Variants in MYD88 observed in about 807,000 individuals in gnomAD.
MYD88 encodes myeloid differentiation primary response protein MyD88.
In MYD88, 15 loss-of-function variants were observed where a neutral mutation model predicts 31.1. That is an observed-to-expected ratio of 0.48 (90% CI 0.32 to 0.74). The LOEUF (loss-of-function observed/expected upper bound fraction) is 0.74. Ranked by LOEUF, MYD88 falls within the 30% of genes least tolerant of loss-of-function variation. MYD88 has a pLI of 0.03. For missense variants in MYD88, 308 were observed against 387.4 expected (o/e 0.79, Z 1.72); for synonymous variants, 157 against 158.8 (o/e 0.99, Z 0.08).
At position 38,141,416 on chromosome 3, in the gene MYD88, C is replaced by T; in HGVS notation, c.*130C>T. ...TCTCAATTCCTGGAGATGCCAACTT[C>T]ACAGACACGTCTGCAGCAGCTGGAC... On this transcript the variant is annotated 3_prime_UTR_variant, in exon 5 of 5. Transcript: ENST00000650905. The T allele has an allele frequency of 8.1e-7, 1 of 1,233,752 alleles. No individual in the cohort carries two copies. Among genetic ancestry groups the T allele is most frequent in the Non-Finnish European group, 1.2e-6 (1 of 842,300 alleles). The allele number at this position is 1,233,752 out of a possible 1,614,324, so 76.4% of individuals were successfully genotyped here.
At position 38,140,578 on chromosome 3, in the gene MYD88, A is replaced by C; in HGVS notation, c.644+10A>C. The stretch of plus-strand genomic sequence containing the variant: ...AGCTCATCGAAAAGAGGTTGGCTAG[A>C]AGGCCACGGGGTGGGTGCGTGGATG... On this transcript the variant is annotated intron_variant, in intron 3 of 4. Coordinates refer to ENST00000650905, the MANE Select transcript of MYD88 (RefSeq NM_002468.5). 1 of 1,614,172 alleles carries C rather than the reference A, an allele frequency of 6.2e-7. No individual in the cohort carries two copies. The highest frequency in any genetic ancestry group is 8.5e-7 in the Non-Finnish European group (1 of 1,179,982).
Position 38,138,892 on chromosome 3 carries a change from G to A in MYD88, c.192G>A (p.Leu64=), listed in dbSNP as rs755666466. The A allele has an allele frequency of 6.2e-7, 1 of 1,613,620 alleles. No homozygotes were observed. Among genetic ancestry groups the A allele is most frequent in the Non-Finnish European group, 8.5e-7 (1 of 1,180,022 alleles). Residue 64 remains leucine, a synonymous_variant, in exon 1 of 5, where the codon CTG becomes CTA. Transcript: ENST00000650905. This position sits in a 1 kb window ranked among gnomAD's most constrained non-coding sequence, Gnocchi z 6.4. ...MDFEYLEIRQ[L]ETQADPTGRL... is the part of the protein sequence containing the mutation. ...TTGAGTACTTGGAGATCCGGCAACT[G>A]GAGACACAAGCGGACCCCACTGGCA...
In MYD88 at chr3:38,140,757, G is replaced by A. The variant is rs1701059729; in HGVS notation, c.645G>A (p.Arg215=). Residue 215 remains arginine (R), a splice_region_variant and synonymous_variant, in exon 4 of 5, where the codon AGG becomes AGA. Transcript: ENST00000650905. ...CTGCAGCCTGCCCACTCTCCCCTAG[G>A]TGCCGCCGGATGGTGGTGGTTGTCT... ...WSIASELIEK[R]CRRMVVVVSD... is the part of the protein sequence containing the mutation. 6.2e-7 allele frequency: 1 copy of A among 1,614,168 alleles called. No homozygotes were observed.
chr3:38,138,717 C>T lies in MYD88; in HGVS notation c.17C>T (p.Pro6Leu), dbSNP rs1700986467. MAAGG[P>L]GAGSAAPVSS... is the part of the protein sequence containing the mutation. The stretch of plus-strand genomic sequence containing the variant: ...CCGCCCGCCATGGCTGCAGGAGGTC[C>T]CGGCGCGGGGTCTGCGGCCCCGGTC... The change falls in exon 1 of 5, where the codon CCC becomes CTC. Residue 6 changes from proline (P) to leucine (L), a missense_variant. By Grantham distance (98) the Pro-to-Leu change is moderately conservative. Coordinates refer to ENST00000650905, the MANE Select transcript of MYD88 (RefSeq NM_002468.5). The surrounding 1 kb of genome is among the most constrained non-coding windows in gnomAD (Gnocchi z 6.4). The T allele has an allele frequency of 6.2e-7, 1 of 1,604,626 alleles. No individual in the cohort carries two copies. The highest frequency in any genetic ancestry group is 1.7e-5 in the Admixed American group (1 of 59,820).
Position 38,139,411 on chromosome 3 carries a change from T to C in MYD88, c.328+383T>C, listed in dbSNP as rs1701020139. The C allele has an allele frequency of 2.5e-6, 1 of 398,910 alleles. No homozygotes were observed. Among genetic ancestry groups the C allele is most frequent in the Admixed American group, 4.1e-5 (1 of 24,500 alleles). 24.7% of individuals were successfully genotyped at this position (398,910 alleles called of 1,614,324 possible). On this transcript the variant is annotated intron_variant, in intron 1 of 4. Coordinates refer to ENST00000650905, the MANE Select transcript of MYD88 (RefSeq NM_002468.5). The surrounding 1 kb of genome is among the most constrained non-coding windows in gnomAD (Gnocchi z 4.7). Reference sequence around the variant, plus strand: ...GGGGAAATGCAGCCCTTCTTTCTACTCACTGGCACTTACATAATATACATG... The same window carrying C: ...GGGGAAATGCAGCCCTTCTTTCTACCCACTGGCACTTACATAATATACATG...
rs1322873412 is a variant in MYD88 at position 38,141,198 on chromosome 3, T to C, written c.803T>C (p.Leu268Pro). ...ATGAAGAAAGAGTTCCCCAGCATCC[T>C]GAGGTTCATCACTGTCTGCGACTAC... ...KAMKKEFPSI[L>P]RFITVCDYTN... The change falls in exon 5 of 5, where the codon CTG becomes CCG. Residue 268 changes from leucine to proline, a missense_variant. Leu to Pro is a moderately conservative substitution (Grantham distance 98, BLOSUM62 -3). Coordinates refer to ENST00000650905, the MANE Select transcript of MYD88 (RefSeq NM_002468.5). The C allele has an allele frequency of 2.5e-6, 4 of 1,614,066 alleles. No homozygotes were observed. The highest frequency in any genetic ancestry group is 3.4e-6 in the Non-Finnish European group (4 of 1,180,032).
chr3:38,140,015 G>C lies in MYD88; in HGVS notation c.463+17G>C, dbSNP rs748281019. The stretch of plus-strand genomic sequence containing the variant: ...ACCCCCTGGGTAAGGGTCCAATACT[G>C]TTCCCATGGGACAGGTGGAATAGGA... On this transcript the variant is annotated intron_variant, in intron 2 of 4. Coordinates refer to ENST00000650905, the MANE Select transcript of MYD88 (RefSeq NM_002468.5). 6.2e-7 allele frequency: 1 copy of C among 1,612,662 alleles called. No individual in the cohort carries two copies. The highest frequency in any genetic ancestry group is 8.5e-7 in the Non-Finnish European group (1 of 1,179,534).
At chr3:38,140,660 T>TG in intron 3 of MYD88, 92 bp downstream of exon 3, 1 of 1,595,898 alleles carries the variant, frequency 6.3e-7, no homozygotes, top group Non-Finnish European at 8.6e-7. Context: ...CTGTGCACTG[T>TG]CCAGCCTGGG....
Position 38,139,065 on chromosome 3 carries a change from G to A in MYD88, c.328+37G>A, listed in dbSNP as rs538345408. On this transcript the variant is annotated intron_variant, in intron 1 of 4. Coordinates refer to ENST00000650905, the MANE Select transcript of MYD88 (RefSeq NM_002468.5). This position sits in a 1 kb window ranked among gnomAD's most constrained non-coding sequence, Gnocchi z 4.7. ...CCCTTCCTGGCCTCGTACCTGGGGG[G>A]TGAGGAGGCTGACTTTCCGCGGCCT... 3 of 1,587,814 alleles carry A rather than the reference G, an allele frequency of 1.9e-6. No individual in the cohort carries two copies. Among genetic ancestry groups the A allele is most frequent in the Non-Finnish European group, 1.7e-6 (2 of 1,172,040 alleles).
intron 2 of MYD88, 186 bp downstream of exon 2, chr3:38,140,184 G>A (rs1348655195): frequency 5.2e-6 from 5 of 959,126 alleles, no homozygotes; most frequent in Middle Eastern, 6.0e-4. Flanking sequence ...AGATGCTCAT[G>A]AAATAATGTC....
chr3:38,141,315 G>GTA lies in MYD88; in HGVS notation c.*31_*32dup. 6.2e-7 allele frequency: 1 copy of GTA among 1,613,930 alleles called. No individual in the cohort carries two copies. Among genetic ancestry groups the GTA allele is most frequent in the South Asian group, 1.1e-5 (1 of 91,082 alleles). ...CTGTTCTGAGGCCCTGGGTGTGTGTGTATCTGTCTGCCTGTCCATGTACTT... is the reference window on the plus strand; with the variant it reads ...CTGTTCTGAGGCCCTGGGTGTGTGTGTATATCTGTCTGCCTGTCCATGTACTT... On this transcript the variant is annotated 3_prime_UTR_variant, in exon 5 of 5. Coordinates refer to ENST00000650905, the MANE Select transcript of MYD88 (RefSeq NM_002468.5).
In MYD88 at chr3:38,139,589, T is replaced by C; in HGVS notation, c.329-275T>C. On this transcript the variant is annotated intron_variant, in intron 1 of 4. Transcript: ENST00000650905. This position sits in a 1 kb window ranked among gnomAD's most constrained non-coding sequence, Gnocchi z 4.7. Reference sequence around the variant, plus strand: ...CCCAGAAGAAGCAGACCTACCTTGGTACCATTCTTAGGATCCCTAGGAAGG... The same window carrying C: ...CCCAGAAGAAGCAGACCTACCTTGGCACCATTCTTAGGATCCCTAGGAAGG... 2 of 506,684 alleles carry C rather than the reference T, an allele frequency of 3.9e-6. No homozygotes were observed. Among genetic ancestry groups the C allele is most frequent in the Non-Finnish European group, 7.2e-6 (2 of 278,278 alleles). The allele number at this position is 506,684 out of a possible 1,614,324, so 31.4% of individuals were successfully genotyped here.
chr3:38,139,774 A>C lies in MYD88; in HGVS notation c.329-90A>C. On this transcript the variant is annotated intron_variant, in intron 1 of 4. Transcript: ENST00000650905. This position sits in a 1 kb window ranked among gnomAD's most constrained non-coding sequence, Gnocchi z 4.7. ...GGAAGCCCTCTAGAACAACCCAGCC[A>C]GAGGAGGTGGGACAGCGGCTGGATC... 1.9e-6 allele frequency: 3 copies of C among 1,547,418 alleles called. No homozygotes were observed. Among genetic ancestry groups the C allele is most frequent in the Non-Finnish European group, 8.8e-7 (1 of 1,133,804 alleles).
rs2125777808 is a variant in MYD88, at chr3:38,139,996, T to A, written c.461T>A (p.Leu154Gln). The change falls in exon 2 of 5, where the codon CTG (leucine) becomes CAG (glutamine). Residue 154 changes from leucine to glutamine, a missense_variant and splice_region_variant. By Grantham distance (113) the Leu-to-Gln change is moderately radical. Coordinates refer to ENST00000650905, the MANE Select transcript of MYD88 (RefSeq NM_002468.5). The surrounding 1 kb of genome is among the most constrained non-coding windows in gnomAD (Gnocchi z 4.7). The stretch of plus-strand genomic sequence containing the variant: ...GGCATCACCACACTTGATGACCCCC[T>A]GGGTAAGGGTCCAATACTGTTCCCA... ...LAGITTLDDPLGHMPERFDAF... is the reference protein window; with the variant it reads ...LAGITTLDDPQGHMPERFDAF... The A allele has an allele frequency of 6.2e-7, 1 of 1,613,392 alleles. No individual in the cohort carries two copies.
In MYD88 at chr3:38,141,304, TG is replaced by T; in HGVS notation, c.*21del. On this transcript the variant is annotated 3_prime_UTR_variant, in exon 5 of 5. Transcript: ENST00000650905. ...TGCCCTGAAGACTGTTCTGAGGCCC[TG>T]GGTGTGTGTGTATCTGTCTGCCTGT... is the stretch of plus-strand genomic sequence containing the variant. The T allele has an allele frequency of 6.2e-7, 1 of 1,614,154 alleles. No homozygotes were observed. The highest frequency in any genetic ancestry group is 2.2e-5 in the East Asian group (1 of 44,880).
Position 38,142,040 on chromosome 3 carries a change from G to A in MYD88, c.*754G>A, listed in dbSNP as rs1701093448. Reference sequence around the variant, plus strand: ...TTCATTTCCACCTGTCAGGATGCCTGTGGTCATGCTCTCAGCTCCACCTGG... The same window carrying A: ...TTCATTTCCACCTGTCAGGATGCCTATGGTCATGCTCTCAGCTCCACCTGG... On this transcript the variant is annotated 3_prime_UTR_variant, in exon 5 of 5. Coordinates refer to ENST00000650905, the MANE Select transcript of MYD88 (RefSeq NM_002468.5). 2 of 235,824 alleles carry A rather than the reference G, an allele frequency of 8.5e-6. No individual in the cohort carries two copies. The highest frequency in any genetic ancestry group is 1.7e-5 in the Non-Finnish European group (2 of 119,846). The allele number at this position is 235,824 out of a possible 1,614,324, so 14.6% of individuals were successfully genotyped here.
rs2125777158 is a variant in MYD88, at chr3:38,139,836, G to T, written c.329-28G>T. On this transcript the variant is annotated intron_variant, in intron 1 of 4. Transcript: ENST00000650905. This position sits in a 1 kb window ranked among gnomAD's most constrained non-coding sequence, Gnocchi z 4.7. ...TAAAGAGGTAGGCACTCCCAGGGAGGCTGCTTTACTCTGTCTCTTCCCCAC... is the reference window on the plus strand; with the variant it reads ...TAAAGAGGTAGGCACTCCCAGGGAGTCTGCTTTACTCTGTCTCTTCCCCAC... 1 of 1,611,540 alleles carries T rather than the reference G, an allele frequency of 6.2e-7. No homozygotes were observed. The highest frequency in any genetic ancestry group is 8.5e-7 in the Non-Finnish European group (1 of 1,179,928).
In MYD88 at chr3:38,141,532, G is replaced by A. The variant is rs1701082822; in HGVS notation, c.*246G>A. 3.4e-6 allele frequency: 2 copies of A among 588,928 alleles called. No homozygotes were observed. The highest frequency in any genetic ancestry group is 5.9e-5 in the East Asian group (2 of 33,616). 36.5% of individuals were successfully genotyped at this position (588,928 alleles called of 1,614,324 possible). A position where few individuals can be genotyped will look rare whatever the true frequency, so the allele number is the denominator to read the frequency against. On this transcript the variant is annotated 3_prime_UTR_variant, in exon 5 of 5. Transcript: ENST00000650905. ...GCCAGGACACTATAGAACAGGACCA[G>A]CTGAGACTAAGAAGGACCAGCAGAG... is the stretch of plus-strand genomic sequence containing the variant.
rs200093616 is a variant in MYD88 at position 38,138,862 on chromosome 3, G to A, written c.162G>A (p.Met54Ile). The A allele has an allele frequency of 1.9e-6, 3 of 1,613,824 alleles. No homozygotes were observed. The highest frequency in any genetic ancestry group is 2.2e-5 in the East Asian group (1 of 44,888). The change falls in exon 1 of 5, where the codon ATG (methionine) becomes ATA (isoleucine). Residue 54 changes from methionine to isoleucine, a missense_variant. Transcript: ENST00000650905. This position sits in a 1 kb window ranked among gnomAD's most constrained non-coding sequence, Gnocchi z 6.4. ...ACTGGACCGCGCTGGCGGAGGAGAT[G>A]GACTTTGAGTACTTGGAGATCCGGC... Reference protein sequence around the residue: ...AADWTALAEEMDFEYLEIRQL... With the variant: ...AADWTALAEEIDFEYLEIRQL...
Sources: gnomAD v4.1 joint callset for allele counts on GRCh38, gnomAD v4.1.1 for gene constraint, Gnocchi (gnomAD v3.1) non-coding constraint, MANE v1.5 for transcripts, NCBI Gene and HGNC (gene_info 2026-07-23, HGNC 2026-07-21) for gene names.